The following RAB20 variants were observed in gnomAD, a reference collection of about 807,000 sequenced individuals.
RAB20 encodes RAB20, member RAS oncogene family.
Under a neutral mutation model 3.7 loss-of-function variants are expected in RAB20, and 2 were observed. That is an observed-to-expected ratio of 0.54 (90% confidence interval 0.22 to 1.69). RAB20 has a LOEUF of 1.69. RAB20 is among the 40% of genes most tolerant of loss of function. The pLI is 0.19. For missense variants in RAB20, 276 were observed against 311.9 expected, an observed-to-expected ratio of 0.88 and a Z score of 0.87; for synonymous variants, 126 against 130.8, an observed-to-expected ratio of 0.96 and a Z score of 0.25.
chr13:110,525,656 G>A (rs1884415860), intron 1 of RAB20, among the ~76,000 whole-genome samples: 1 of 152,250 alleles, frequency 6.6e-6, no homozygotes, highest in Non-Finnish European at 1.5e-5. Flanking sequence ...AGGTGTTCCT[G>A]GGACAGGTGC....
At chr13:110,525,256 G>A (rs937163241) in intron 1 of RAB20, among the ~76,000 whole-genome samples, 2 of 152,214 alleles carry the variant, frequency 1.3e-5, no homozygotes, top group Non-Finnish European at 2.9e-5. Context: ...TGGAACACCC[G>A]CCACCGTCCT....
rs561458419 is a variant in RAB20 at position 110,555,810 on chromosome 13, C to G, written c.172+5538G>C. On this transcript the variant is annotated intron_variant, in intron 1 of 1. Coordinates refer to ENST00000267328, the MANE Select transcript of RAB20 (RefSeq NM_017817.3). The surrounding 1 kb of genome is among the most constrained non-coding windows in gnomAD (Gnocchi z 4.0). Reference sequence around the variant, plus strand: ...CGACTTTTATTCTCACTCTTTACCACGGCCACCGCGAGTGCCCCCAGCCTT... The same window carrying G: ...CGACTTTTATTCTCACTCTTTACCAGGGCCACCGCGAGTGCCCCCAGCCTT... Among the ~76,000 whole-genome samples, 4 of 152,314 alleles carry G rather than the reference C, an allele frequency of 2.6e-5. No homozygotes were observed. Among genetic ancestry groups the G allele is most frequent in the African/African-American group, 9.6e-5 (4 of 41,568 alleles).
At chr13:110,533,770 T>C (rs1884589974) in intron 1 of RAB20, among the ~76,000 whole-genome samples, 1 of 152,194 alleles carries the variant, frequency 6.6e-6, no homozygotes, top group African/African-American at 2.4e-5. Context: ...TAACCAACAC[T>C]GTATTCAATT....
intron 1 of RAB20, among the ~76,000 whole-genome samples, chr13:110,536,652 C>G (rs139256872): frequency 7.2e-6 from 1 of 138,332 alleles, no homozygotes; most frequent in Non-Finnish European, 1.5e-5. Context: ...AGCAGAACTG[C>G]TCGCTTCCTG....
chr13:110,534,448 C>T lies in RAB20; in HGVS notation c.173-10251G>A, dbSNP rs143355319. ...AGCCCCTACAAAGAGGTGCTGCCAC[C>T]GTGATGTACGAGTGTGCCGGTCAAG... On this transcript the variant is annotated intron_variant, in intron 1 of 1. Coordinates refer to ENST00000267328, the MANE Select transcript of RAB20 (RefSeq NM_017817.3). 9.8e-4 allele frequency among the ~76,000 whole-genome samples: 149 copies of T among 152,340 alleles called. No homozygotes were observed. The East Asian group carries it at 0.024, about 25-fold the overall frequency.
At chr13:110,541,962 G>C (rs988636380) in intron 1 of RAB20, among the ~76,000 whole-genome samples, 1 of 152,082 alleles carries the variant, frequency 6.6e-6, no homozygotes, top group African/African-American at 2.4e-5. Context: ...GCTCACACAC[G>C]GAGACAGTAA....
intron 1 of RAB20, among the ~76,000 whole-genome samples, chr13:110,534,043 G>A (rs1008408643): frequency 1.6e-4 from 25 of 152,316 alleles, no homozygotes; most frequent in African/African-American, 5.3e-4. Context: ...GTCGGGCCCC[G>A]GTGCCCAGCA....
chr13:110,558,006 T>C (rs1885068157), intron 1 of RAB20, among the ~76,000 whole-genome samples: 1 of 152,246 alleles, frequency 6.6e-6, no homozygotes, highest in Admixed American at 6.5e-5. Flanking sequence ...TCCTCTGGAA[T>C]CCAGGGCCTG....
chr13:110,533,415 G>A (rs1884580250), intron 1 of RAB20, among the ~76,000 whole-genome samples: 1 of 152,216 alleles, frequency 6.6e-6, no homozygotes, highest in Non-Finnish European at 1.5e-5. Context: ...AGGCACAGTG[G>A]TTCATACCTG....
Position 110,524,103 on chromosome 13 carries a change from C to T in RAB20, c.267G>A (p.Val89=), listed in dbSNP as rs1196066242. 4 of 1,613,304 alleles carry T rather than the reference C, an allele frequency of 2.5e-6. No individual in the cohort carries two copies. The highest frequency in any genetic ancestry group is 2.2e-5 in the East Asian group (1 of 44,874). The change falls in exon 2 of 2, where the codon GTG becomes GTA. Residue 89 remains valine, a synonymous_variant. Transcript: ENST00000267328. The part of the protein sequence containing the change: ...TYDVNHRQSL[V]ELEDRFLGLT... ...GGCCCAGGAACCGGTCCTCCAGCTC[C>T]ACCAGGCTCTGCCGGTGATTCACAT...
intron 1 of RAB20, among the ~76,000 whole-genome samples, chr13:110,542,462 G>A (rs1256020180): frequency 3.3e-5 from 5 of 152,050 alleles, no homozygotes; most frequent in Admixed American, 3.3e-4. Context: ...CGTAGCCTTT[G>A]ATTAAAAACT....
At chr13:110,543,715 T>G (rs1045701437) in intron 1 of RAB20, among the ~76,000 whole-genome samples, 1 of 152,164 alleles carries the variant, frequency 6.6e-6, no homozygotes, top group Non-Finnish European at 1.5e-5. Flanking sequence ...TTTCTTATGT[T>G]TTCTTCTAAT....
At chr13:110,538,015 G>A (rs2391840) in intron 1 of RAB20, among the ~76,000 whole-genome samples, 50,706 of 151,932 alleles carry the variant, frequency 0.33, 9,378 homozygotes, top group African/African-American at 0.49. Context: ...CAAGCCAGGC[G>A]GATCGTTTCA....
At chr13:110,554,186 C>T (rs1300824189) in intron 1 of RAB20, among the ~76,000 whole-genome samples, 1 of 152,188 alleles carries the variant, frequency 6.6e-6, no homozygotes, top group Non-Finnish European at 1.5e-5. Context: ...TGTGCATTCA[C>T]TTTTGCACCA....
At chr13:110,547,117 C>T (rs550293977) in intron 1 of RAB20, among the ~76,000 whole-genome samples, 1 of 152,170 alleles carries the variant, frequency 6.6e-6, no homozygotes, top group African/African-American at 2.4e-5. Flanking sequence ...CCTGGAATGC[C>T]GCCAGTCAAG....
intron 1 of RAB20, among the ~76,000 whole-genome samples, chr13:110,553,771 TCTCCC>T (rs1199898932): frequency 1.3e-5 from 2 of 152,084 alleles, no homozygotes; most frequent in African/African-American, 4.8e-5. Flanking sequence ...CTCAGAAGCC[TCTCCC>T]GACTGAGGCT....
intron 1 of RAB20, among the ~76,000 whole-genome samples, chr13:110,531,384 GA>G (rs1884538224): frequency 6.6e-6 from 1 of 152,242 alleles, no homozygotes; most frequent in East Asian, 1.9e-4. Context: ...TTTACGCAGA[GA>G]ACTATCCTGG....
At chr13:110,551,126 A>G (rs575179558) in intron 1 of RAB20, among the ~76,000 whole-genome samples, 1 of 152,352 alleles carries the variant, frequency 6.6e-6, no homozygotes, top group Non-Finnish European at 1.5e-5. Context: ...AATATCACAG[A>G]GCAAAACATT....
rs1884368322 is a variant in RAB20 at position 110,523,492 on chromosome 13, CA to C, written c.*172del. Reference sequence around the variant, plus strand: ...CCCCTCTGACAGAGACTGAGGAGACCACACACGTTGACCTCCTCTTCATAGC... The same window carrying C: ...CCCCTCTGACAGAGACTGAGGAGACCCACACGTTGACCTCCTCTTCATAGC... On this transcript the variant is annotated 3_prime_UTR_variant, in exon 2 of 2. Coordinates refer to ENST00000267328, the MANE Select transcript of RAB20 (RefSeq NM_017817.3). 1.6e-6 allele frequency: 2 copies of C among 1,257,070 alleles called. No individual in the cohort carries two copies. Among genetic ancestry groups the C allele is most frequent in the Non-Finnish European group, 1.1e-6 (1 of 935,260 alleles). 77.9% of individuals were successfully genotyped at this position (1,257,070 alleles called of 1,614,324 possible). A position where few individuals can be genotyped will look rare whatever the true frequency, so the allele number is the denominator to read the frequency against.
Sources: gnomAD v4.1 joint callset for allele counts (sites outside exome capture counted in the v4.1 genomes callset) on GRCh38, gnomAD v4.1.1 for gene constraint, Gnocchi (gnomAD v3.1) non-coding constraint, MANE v1.5 for transcripts, NCBI Gene and HGNC (gene_info 2026-07-23, HGNC 2026-07-21) for gene names.